Variants in SOS1 observed in about 807,000 individuals in gnomAD.
SOS1 encodes son of sevenless homolog 1.
SOS1 carries 25 observed loss-of-function variants against 157.6 expected under a neutral mutation model. The ratio of observed to expected loss-of-function variants is 0.16; its 90% CI spans 0.12 to 0.22. The LOEUF (loss-of-function observed/expected upper bound fraction) is 0.22, where lower values mean the gene tolerates loss of function less well. Among genes scored for constraint, SOS1 ranks in the 10% least tolerant of loss-of-function variants. SOS1 has a pLI of 1.00. For synonymous variants in SOS1, 528 were observed against 534.0 expected (o/e 0.99, Z 0.16); for missense variants, 1,237 against 1,599.1 (o/e 0.77, Z 3.86).
At chr2:39,019,852 T>G (rs1226595290) in intron 10 of SOS1, among the ~76,000 whole-genome samples, 3 of 151,592 alleles carry the variant, frequency 2.0e-5, no homozygotes, top group Non-Finnish European at 4.4e-5. Context: ...AAAAAATTAC[T>G]GACAATATCT....
intron 1 of SOS1, among the ~76,000 whole-genome samples, chr2:39,071,415 T>C (rs1671789276): frequency 6.6e-6 from 1 of 152,170 alleles, no homozygotes; most frequent in Non-Finnish European, 1.5e-5. Context: ...TTAATAAACA[T>C]CTATCTCATG....
chr2:39,043,910 TATGCCGCAA>T (rs1293977102), intron 6 of SOS1, among the ~76,000 whole-genome samples: 38 of 152,000 alleles, frequency 2.5e-4, no homozygotes, highest in African/African-American at 8.2e-4. Flanking sequence ...ACACCTGGTC[TATGCCGCAA>T]GTCATTTGTT....
At chr2:39,103,540 G>C (rs1011991868) in intron 1 of SOS1, among the ~76,000 whole-genome samples, 1 of 152,206 alleles carries the variant, frequency 6.6e-6, no homozygotes, top group Non-Finnish European at 1.5e-5. Context: ...ATTCAATGGA[G>C]AAATAAGACC....
chr2:39,118,419 T>C (rs1673737468), intron 1 of SOS1, among the ~76,000 whole-genome samples: 1 of 152,268 alleles, frequency 6.6e-6, no homozygotes, highest in Non-Finnish European at 1.5e-5. Flanking sequence ...ACATACTGTA[T>C]TTTCAATCTT....
chr2:39,021,710 G>A (rs2124534417), intron 10 of SOS1, among the ~76,000 whole-genome samples: 1 of 151,562 alleles, frequency 6.6e-6, no homozygotes, highest in East Asian at 1.9e-4. Flanking sequence ...TAAAAACCAG[G>A]AAAATGTGGC....
chr2:39,046,089 T>C (rs938274399), intron 6 of SOS1, among the ~76,000 whole-genome samples: 1 of 152,380 alleles, frequency 6.6e-6, no homozygotes, highest in Non-Finnish European at 1.5e-5. Flanking sequence ...TATACTGAGT[T>C]ACTAATGTAG....
At chr2:39,034,088 C>T (rs1279115642) in intron 8 of SOS1, among the ~76,000 whole-genome samples, 1 of 152,206 alleles carries the variant, frequency 6.6e-6, no homozygotes, top group African/African-American at 2.4e-5. Flanking sequence ...TTAAGATACT[C>T]ATCCTGTATT....
At chr2:39,065,936 T>C (rs1346167607) in intron 2 of SOS1, among the ~76,000 whole-genome samples, 2 of 152,174 alleles carry the variant, frequency 1.3e-5, no homozygotes, top group African/African-American at 2.4e-5. Context: ...TTAAATGAAA[T>C]GTAAAGTATG....
At chr2:39,116,826 G>C (rs749586104) in intron 1 of SOS1, among the ~76,000 whole-genome samples, 61 of 152,108 alleles carry the variant, frequency 4.0e-4, no homozygotes, top group Non-Finnish European at 6.9e-4. Flanking sequence ...ACTCCAGCCT[G>C]TTAAGACTCT....
At position 38,985,125 on chromosome 2, in the gene SOS1, C is replaced by A. The variant is rs1196292464; in HGVS notation, c.*699G>T. The A allele has an allele frequency of 3.9e-5, 6 of 152,146 alleles. No homozygotes were observed. Among genetic ancestry groups the A allele is most frequent in the Admixed American group, 3.9e-4 (6 of 15,262 alleles). The allele number at this position is 152,146 out of a possible 1,614,324, so 9.4% of individuals were successfully genotyped here. On this transcript the variant is annotated 3_prime_UTR_variant, in exon 23 of 23. Transcript: ENST00000402219. ...CTTCTCTTTTTTGAAGGCAACACCA[C>A]CACATTTTGTTTGGGTGTGTGGGGA... is the stretch of plus-strand genomic sequence containing the variant.
intron 17 of SOS1, among the ~76,000 whole-genome samples, chr2:39,004,021 G>T (rs1669199435): frequency 6.6e-6 from 1 of 152,098 alleles, no homozygotes; most frequent in South Asian, 2.1e-4. Flanking sequence ...CCCTAGGGGG[G>T]CAAAAACTGC....
intron 6 of SOS1, among the ~76,000 whole-genome samples, chr2:39,040,024 T>C (rs951515409): frequency 2.0e-5 from 3 of 152,110 alleles, no homozygotes; most frequent in Non-Finnish European, 4.4e-5. Context: ...TATTTTTTAT[T>C]TTTTTGAGAT....
At chr2:39,113,807 T>C (rs1039758800) in intron 1 of SOS1, among the ~76,000 whole-genome samples, 1 of 152,214 alleles carries the variant, frequency 6.6e-6, no homozygotes, top group African/African-American at 2.4e-5. Flanking sequence ...TTTTGTCATC[T>C]CCAAGCAAGA....
chr2:39,030,823 G>A (rs992646723), intron 8 of SOS1, among the ~76,000 whole-genome samples: 1 of 152,078 alleles, frequency 6.6e-6, no homozygotes, highest in Non-Finnish European at 1.5e-5. Flanking sequence ...TTGGATTAGG[G>A]TGAGCCCTAA....
chr2:39,030,049 A>C (rs923476368), intron 8 of SOS1, among the ~76,000 whole-genome samples: 1 of 152,052 alleles, frequency 6.6e-6, no homozygotes, highest in East Asian at 1.9e-4. Flanking sequence ...GCATGTGCCT[A>C]CGGTCCTAGC....
At chr2:39,121,632 G>C (rs374506537), upstream of SOS1, among the ~76,000 whole-genome samples, 1 of 152,214 alleles carries the variant, frequency 6.6e-6, no homozygotes, top group South Asian at 2.1e-4. Flanking sequence ...TGGATATCGA[G>C]ACCTCTTTTA....
intron 15 of SOS1, among the ~76,000 whole-genome samples, chr2:39,008,442 CAAAGTATAAAGTAGTTT>C (rs1558466881): frequency 6.6e-6 from 1 of 152,110 alleles, no homozygotes; most frequent in Non-Finnish European, 1.5e-5. Flanking sequence ...TCATTTGCAA[CAAAGTATAAAGTAGTTT>C]AAATTTAATG....
chr2:39,040,487 A>T (rs1321239627), intron 6 of SOS1, among the ~76,000 whole-genome samples: 1 of 152,078 alleles, frequency 6.6e-6, no homozygotes, highest in African/African-American at 2.4e-5. Context: ...GTAACTGATC[A>T]TTGCCTCTTC....
Position 39,120,472 on chromosome 2 carries a change from C to T in SOS1, c.-50G>A, listed in dbSNP as rs1475968959. ...GGGGAGAGGGGCGGCGGCGGCCGGG[C>T]CAGGGAGCCGCGAGAGGGCGAGCTC... is the stretch of plus-strand genomic sequence containing the variant. On this transcript the variant is annotated 5_prime_UTR_variant, in exon 1 of 23. Transcript: ENST00000402219. 10 of 1,487,362 alleles carry T rather than the reference C, an allele frequency of 6.7e-6. 1 individual carries two copies. Among genetic ancestry groups the T allele is most frequent in the South Asian group, 1.3e-5 (1 of 79,484 alleles). 92.1% of individuals were successfully genotyped at this position (1,487,362 alleles called of 1,614,324 possible).
Sources: gnomAD v4.1 joint callset for allele counts (sites outside exome capture counted in the v4.1 genomes callset) on GRCh38, gnomAD v4.1.1 for gene constraint, MANE v1.5 for transcripts, NCBI Gene and HGNC (gene_info 2026-07-23, HGNC 2026-07-21) for gene names.